The following ADGRL2 variants were observed in gnomAD, a reference collection of about 807,000 sequenced individuals.
The protein encoded by ADGRL2 is calcium-independent alpha-latrotoxin receptor 2.
A neutral mutation model predicts 157.4 loss-of-function variants in ADGRL2; 44 were observed. The observed-to-expected ratio is 0.28, with a 90% CI of 0.22 to 0.36. ADGRL2 has a LOEUF of 0.36. Ranked by LOEUF, ADGRL2 falls within the 10% of genes least tolerant of loss-of-function variation. The pLI, the probability that ADGRL2 is intolerant of heterozygous loss-of-function variation, is 1.00. For missense variants in ADGRL2, 1,510 were observed against 1,768.9 expected (o/e 0.85, Z 2.63); for synonymous variants, 585 against 624.7 (o/e 0.94, Z 0.95).
Position 81,846,352 on chromosome 1 carries a change from T to C in ADGRL2, c.73+9295T>C, listed in dbSNP as rs545957998. 1.7e-3 allele frequency among the ~76,000 whole-genome samples: 133 copies of C among 79,548 alleles called. 10 individuals carry two copies. Among genetic ancestry groups the C allele is most frequent in the African/African-American group, 5.4e-3 (123 of 22,690 alleles). 52.2% of individuals were successfully genotyped at this position (79,548 alleles called of 152,430 possible). ...TATCCCATGTATTTAATAAAGTTTA[T>C]TTTTAAGAGTTTTTATGTTGTTAAA... On this transcript the variant is annotated intron_variant, in intron 2 of 23. Transcript: ENST00000686636.
intron 2 of ADGRL2, among the ~76,000 whole-genome samples, chr1:81,766,186 C>T (rs1272687872): frequency 6.6e-6 from 1 of 152,030 alleles, no homozygotes; most frequent in Non-Finnish European, 1.5e-5. Flanking sequence ...CTACATTATC[C>T]TGTTTTTATT....
At chr1:81,841,326 T>G (rs2150303304) in intron 2 of ADGRL2, among the ~76,000 whole-genome samples, 1 of 152,278 alleles carries the variant, frequency 6.6e-6, no homozygotes, top group East Asian at 1.9e-4. Flanking sequence ...GTTTTTACTG[T>G]ACTTTTAAGT....
At chr1:81,602,958 T>C (rs930993639) in intron 3 of ADGRL2, among the ~76,000 whole-genome samples, 1 of 150,790 alleles carries the variant, frequency 6.6e-6, no homozygotes, top group Non-Finnish European at 1.5e-5. Context: ...GAGACTGCAG[T>C]AACCACTGGT....
chr1:81,488,061 C>T (rs994952003), intron 2 of ADGRL2, among the ~76,000 whole-genome samples: 3 of 152,100 alleles, frequency 2.0e-5, no homozygotes, highest in Admixed American at 6.6e-5. Context: ...CTGCCCCCCG[C>T]CCGACTCTGG....
intron 3 of ADGRL2, among the ~76,000 whole-genome samples, chr1:81,688,955 C>G (rs1427507636): frequency 6.6e-6 from 1 of 152,108 alleles, no homozygotes. Flanking sequence ...GGTCTAGCCA[C>G]CCAGCAAGTC....
chr1:81,471,126 G>A (rs1199185236), intron 2 of ADGRL2, among the ~76,000 whole-genome samples: 1 of 152,164 alleles, frequency 6.6e-6, no homozygotes, highest in Non-Finnish European at 1.5e-5. Context: ...TTGGGAGGTA[G>A]GTAGAACTCT....
chr1:81,578,830 A>T (rs1458648472), intron 2 of ADGRL2, among the ~76,000 whole-genome samples: 3 of 152,176 alleles, frequency 2.0e-5, no homozygotes, highest in Non-Finnish European at 4.4e-5. Flanking sequence ...TTGCACATTT[A>T]TGTAGTTCCC....
At chr1:81,726,124 C>G (rs757005814) in intron 1 of ADGRL2, among the ~76,000 whole-genome samples, 1 of 152,230 alleles carries the variant, frequency 6.6e-6, no homozygotes, top group African/African-American at 2.4e-5. Flanking sequence ...CTCTTCTGTA[C>G]AGTGTCCACT....
intron 1 of ADGRL2, among the ~76,000 whole-genome samples, chr1:81,399,348 T>A (rs965224963): frequency 6.6e-6 from 1 of 152,236 alleles, no homozygotes; most frequent in South Asian, 2.1e-4. Context: ...TTTTCAGCTA[T>A]AATTTTATTA....
At chr1:81,816,116 A>T (rs1303706533) in intron 1 of ADGRL2, among the ~76,000 whole-genome samples, 1 of 151,830 alleles carries the variant, frequency 6.6e-6, no homozygotes, top group African/African-American at 2.4e-5. Context: ...TAATGGCCTC[A>T]TTCTCCTTAT....
intron 3 of ADGRL2, among the ~76,000 whole-genome samples, chr1:81,603,516 A>C (rs977141080): frequency 1.3e-5 from 2 of 152,236 alleles, no homozygotes; most frequent in African/African-American, 4.8e-5. Flanking sequence ...GCTGACCTAC[A>C]GGATGCCAGA....
chr1:81,758,183 G>T (rs574630950), intron 1 of ADGRL2, among the ~76,000 whole-genome samples: 2,742 of 152,192 alleles, frequency 0.018, 86 homozygotes, highest in African/African-American at 0.061. Flanking sequence ...CAGAAGAAAA[G>T]CTCTGGGCCC....
At chr1:81,487,211 G>T (rs1340579610) in intron 2 of ADGRL2, among the ~76,000 whole-genome samples, 1 of 151,930 alleles carries the variant, frequency 6.6e-6, no homozygotes, top group Non-Finnish European at 1.5e-5. Flanking sequence ...GAGGCTGTAG[G>T]ATCAGACCAC....
At chr1:81,715,531 T>A (rs545412378) in intron 1 of ADGRL2, among the ~76,000 whole-genome samples, 12 of 152,266 alleles carry the variant, frequency 7.9e-5, no homozygotes, top group Non-Finnish European at 1.5e-4. Context: ...ATCTTTTCAG[T>A]TGGCTGGACA....
rs370297664 is a variant in ADGRL2 at position 81,951,170 on chromosome 1, C to T, written c.1608+49C>T. The T allele has an allele frequency of 4.2e-6, 5 of 1,201,702 alleles. No homozygotes were observed. In the African/African-American group the frequency reaches 7.5e-5, roughly 18 times the overall value. 74.4% of individuals were successfully genotyped at this position (1,201,702 alleles called of 1,614,324 possible). A position where few individuals can be genotyped will look rare whatever the true frequency, so the allele number is the denominator to read the frequency against. ...ACACATTGGTGATTTAGGGCATTAA[C>T]TTCTAACATAAATAATTTAGCTTTG... On this transcript the variant is annotated intron_variant, in intron 8 of 23. Transcript: ENST00000686636.
At chr1:81,827,624 G>A (rs1004529222) in intron 1 of ADGRL2, among the ~76,000 whole-genome samples, 5 of 152,076 alleles carry the variant, frequency 3.3e-5, no homozygotes, top group African/African-American at 1.2e-4. Flanking sequence ...GGATTGCAGT[G>A]GTGCGATCTT....
intron 1 of ADGRL2, among the ~76,000 whole-genome samples, chr1:81,371,446 TA>T (rs1417830949): frequency 6.6e-6 from 1 of 152,208 alleles, no homozygotes; most frequent in Non-Finnish European, 1.5e-5. Context: ...TTTCCAAAAC[TA>T]ATGTTTCCCA....
intron 3 of ADGRL2, among the ~76,000 whole-genome samples, chr1:81,934,046 AT>A (rs1029103776): frequency 6.6e-6 from 1 of 152,198 alleles, no homozygotes; most frequent in South Asian, 2.1e-4. Context: ...GAATTCTAGA[AT>A]TTTTTATAAT....
intron 3 of ADGRL2, among the ~76,000 whole-genome samples, chr1:81,642,248 C>CACA (rs2082233583): frequency 1.6e-5 from 1 of 61,632 alleles, no homozygotes; most frequent in African/African-American, 6.3e-5. Context: ...ACTCTGTCTC[C>CACA]AAAAAAAAAA....
Sources: allele counts gnomAD v4.1 joint callset (sites outside exome capture counted in the v4.1 genomes callset), GRCh38; gene constraint gnomAD v4.1.1; transcripts MANE v1.5; gene names NCBI Gene and HGNC (gene_info 2026-07-23, HGNC 2026-07-21).